EPHB2: variants seen among roughly 807,000 people sequenced by gnomAD.
EPHB2 encodes ephrin type-B receptor 2.
A neutral mutation model predicts 96.4 loss-of-function variants in EPHB2; 18 were observed. The observed-to-expected ratio is 0.19, with a 90% CI of 0.13 to 0.28. EPHB2 has a LOEUF of 0.28. Among genes scored for constraint, EPHB2 ranks in the 10% least tolerant of loss-of-function variants. The pLI, the probability that EPHB2 is intolerant of heterozygous loss-of-function variation, is 1.00. For missense variants in EPHB2, 989 were observed against 1,355.4 expected (o/e 0.73, Z 4.25); for synonymous variants, 506 against 534.1 (o/e 0.95, Z 0.72).
Position 22,914,319 on chromosome 1 carries a change from G to A in EPHB2, c.*749G>A, listed in dbSNP as rs1232482600. 1 of 164,240 alleles carries A rather than the reference G, an allele frequency of 6.1e-6. No individual in the cohort carries two copies. Among genetic ancestry groups the A allele is most frequent in the Non-Finnish European group, 1.3e-5 (1 of 75,228 alleles). The allele number at this position is 164,240 out of a possible 1,614,324, so 10.2% of individuals were successfully genotyped here. On this transcript the variant is annotated 3_prime_UTR_variant, in exon 16 of 16. Coordinates refer to ENST00000374630, the MANE Select transcript of EPHB2 (RefSeq NM_017449.5). ...GGCAACCCCCAGGTCTGCAGCTCCA[G>A]GTACATATCACGCGCACAGCCTGGC...
At chr1:22,849,217 T>C (rs950428768) in intron 3 of EPHB2, among the ~76,000 whole-genome samples, 8 of 152,222 alleles carry the variant, frequency 5.3e-5, no homozygotes, top group African/African-American at 1.9e-4. Flanking sequence ...CTGAATGCTC[T>C]TCTCCTCAGG....
At chr1:22,763,512 T>G (rs1644264044) in intron 1 of EPHB2, among the ~76,000 whole-genome samples, 1 of 151,874 alleles carries the variant, frequency 6.6e-6, no homozygotes, top group Non-Finnish European at 1.5e-5. Flanking sequence ...ACCATAGATG[T>G]CAACTAAAGT....
At chr1:22,720,820 A>G (rs1308909442) in intron 1 of EPHB2, among the ~76,000 whole-genome samples, 1 of 152,210 alleles carries the variant, frequency 6.6e-6, no homozygotes, top group Admixed American at 6.5e-5. Context: ...CCTAAAATTC[A>G]TGAAAAATGG....
At chr1:22,725,719 G>A (rs903114161) in intron 1 of EPHB2, among the ~76,000 whole-genome samples, 2 of 152,182 alleles carry the variant, frequency 1.3e-5, no homozygotes, top group Non-Finnish European at 2.9e-5. Flanking sequence ...CATTGACTTG[G>A]CCCACACTTT....
intron 3 of EPHB2, among the ~76,000 whole-genome samples, chr1:22,826,798 C>T (rs1173800304): frequency 2.6e-5 from 4 of 151,874 alleles, no homozygotes; most frequent in South Asian, 2.1e-4. Flanking sequence ...CTTGTCTGGC[C>T]CTGAGAAATG....
intron 3 of EPHB2, among the ~76,000 whole-genome samples, chr1:22,849,562 G>A (rs895671020): frequency 2.0e-5 from 3 of 152,164 alleles, no homozygotes; most frequent in African/African-American, 7.2e-5. Context: ...GGGATCCAGC[G>A]GACCAGGGGA....
At chr1:22,885,856 C>T (rs919573293) in intron 6 of EPHB2, among the ~76,000 whole-genome samples, 1 of 152,162 alleles carries the variant, frequency 6.6e-6, no homozygotes, top group Non-Finnish European at 1.5e-5. Context: ...TTCTTTCAGT[C>T]CCTCCCCCAG....
chr1:22,756,150 G>T (rs929161286), intron 1 of EPHB2, among the ~76,000 whole-genome samples: 1 of 152,138 alleles, frequency 6.6e-6, no homozygotes, highest in Non-Finnish European at 1.5e-5. Flanking sequence ...TGGAAGGGGC[G>T]GCTGGGGCTA....
At chr1:22,775,392 C>T in intron 1 of EPHB2, 1 of 679,976 alleles carries the variant, frequency 1.5e-6, no homozygotes, top group Non-Finnish European at 2.7e-6. Context: ...GTTTCTTCTT[C>T]ATGACTTTGG....
intron 1 of EPHB2, among the ~76,000 whole-genome samples, chr1:22,719,313 G>T (rs1021438835): frequency 6.6e-6 from 1 of 152,168 alleles, no homozygotes; most frequent in Non-Finnish European, 1.5e-5. Context: ...CCAGCAGCGG[G>T]ACCAAGCTTG....
chr1:22,857,659 A>G (rs1197915368), intron 3 of EPHB2, among the ~76,000 whole-genome samples: 1 of 152,100 alleles, frequency 6.6e-6, no homozygotes, highest in Non-Finnish European at 1.5e-5. Context: ...GGGGAGAACA[A>G]ATGGGAGGCA....
At chr1:22,848,258 T>C (rs1365302731) in intron 3 of EPHB2, among the ~76,000 whole-genome samples, 1 of 152,144 alleles carries the variant, frequency 6.6e-6, no homozygotes, top group African/African-American at 2.4e-5. Context: ...CCAGGACAAG[T>C]AGGCCTCCAG....
At chr1:22,776,376 G>A (rs1644453395) in intron 1 of EPHB2, among the ~76,000 whole-genome samples, 2 of 152,150 alleles carry the variant, frequency 1.3e-5, no homozygotes, top group Non-Finnish European at 2.9e-5. Flanking sequence ...TTCATTTCCT[G>A]TAACCTGCAA....
intron 1 of EPHB2, among the ~76,000 whole-genome samples, chr1:22,754,864 AGGC>A (rs1644121033): frequency 2.4e-4 from 2 of 8,204 alleles, no homozygotes; most frequent in African/African-American, 4.5e-4. Flanking sequence ...AGGTGAGGTG[AGGC>A]AAGGGGCAGG....
intron 1 of EPHB2, among the ~76,000 whole-genome samples, chr1:22,772,119 C>T (rs758501554): frequency 4.0e-5 from 6 of 151,696 alleles, no homozygotes; most frequent in Non-Finnish European, 5.9e-5. Flanking sequence ...TGTCCTTTGC[C>T]GAGGTTAAGT....
At chr1:22,741,177 G>A (rs965302059) in intron 1 of EPHB2, among the ~76,000 whole-genome samples, 16 of 151,250 alleles carry the variant, frequency 1.1e-4, no homozygotes, top group East Asian at 3.9e-4. Context: ...CTCTCCCCCC[G>A]ACCCCTATCC....
chr1:22,861,508 A>G (rs190527887), intron 3 of EPHB2, among the ~76,000 whole-genome samples: 180 of 152,256 alleles, frequency 1.2e-3, no homozygotes, highest in Middle Eastern at 6.8e-3. Flanking sequence ...AACAACAACA[A>G]AAGAAGTATT....
intron 5 of EPHB2, 100 bp downstream of exon 5, chr1:22,865,312 TTTC>T (rs1193573447): frequency 7.2e-7 from 1 of 1,393,486 alleles, no homozygotes; most frequent in East Asian, 2.3e-5. Flanking sequence ...TATGGAGTGA[TTTC>T]TTCTTTTCAA....
intron 3 of EPHB2, among the ~76,000 whole-genome samples, chr1:22,819,059 C>T (rs9943047): frequency 0.014 from 2,114 of 152,012 alleles, 52 homozygotes; most frequent in African/African-American, 0.048. Flanking sequence ...CCACCTCCCC[C>T]GGAGCCATGC....
Sources: allele counts gnomAD v4.1 joint callset (sites outside exome capture counted in the v4.1 genomes callset), GRCh38; gene constraint gnomAD v4.1.1; transcripts MANE v1.5; gene names NCBI Gene and HGNC (gene_info 2026-07-23, HGNC 2026-07-21).